STAT1: variants seen among roughly 807,000 people sequenced by gnomAD.
STAT1 encodes signal transducer and activator of transcription 1, also known as signal transducer and activator of transcription 1-alpha/beta.
Under a neutral mutation model 111.7 loss-of-function variants are expected in STAT1, and 24 were observed. That is an observed-to-expected ratio of 0.21 (90% CI 0.16 to 0.30). The LOEUF is 0.30. Among genes scored for constraint, STAT1 ranks in the 10% least tolerant of loss-of-function variants. STAT1 has a pLI of 1.00. For synonymous variants in STAT1, 332 were observed against 326.5 expected (o/e 1.02, Z -0.18); for missense variants, 351 against 911.9 (o/e 0.38, Z 7.92).
rs576416818 is a variant in STAT1 at position 190,998,688 on chromosome 2, A to C, written c.542-380T>G. 1.3e-5 allele frequency among the ~76,000 whole-genome samples: 2 copies of C among 151,534 alleles called. No homozygotes were observed. The highest frequency in any genetic ancestry group is 2.9e-5 in the Non-Finnish European group (2 of 67,900). ...AAAAAAAAACAAAAAAAACAAAAAA[A>C]AAACAAAAAAAACTTGTTTTCAGTG... On this transcript the variant is annotated intron_variant, in intron 7 of 24. Coordinates refer to ENST00000361099, the MANE Select transcript of STAT1 (RefSeq NM_007315.4). The surrounding 1 kb of genome is among the most constrained non-coding windows in gnomAD (Gnocchi z 4.1).
chr2:190,982,595 A>C lies in STAT1; in HGVS notation c.1447-77T>G. On this transcript the variant is annotated intron_variant, in intron 17 of 24. Coordinates refer to ENST00000361099, the MANE Select transcript of STAT1 (RefSeq NM_007315.4). This position sits in a 1 kb window ranked among gnomAD's most constrained non-coding sequence, Gnocchi z 7.3. ...AAGTGTGGCACTAAAACATATGTCC[A>C]TCCCAAAGTTCAATTCTAGTTTATA... 3 of 1,526,056 alleles carry C rather than the reference A, an allele frequency of 2.0e-6. No individual in the cohort carries two copies. Among genetic ancestry groups the C allele is most frequent in the Non-Finnish European group, 2.7e-6 (3 of 1,100,586 alleles). 94.5% of individuals were successfully genotyped at this position (1,526,056 alleles called of 1,614,324 possible).
rs541312765 is a variant in STAT1, at chr2:190,974,173, G to T, written c.2238+657C>A. Among the ~76,000 whole-genome samples the T allele has an allele frequency of 6.6e-6, 1 of 150,848 alleles. No homozygotes were observed. On this transcript the variant is annotated intron_variant, in intron 24 of 24. Transcript: ENST00000361099. This position sits in a 1 kb window ranked among gnomAD's most constrained non-coding sequence, Gnocchi z 4.8. ...CAATCTTTAAGAGGAAGGATTTTAG[G>T]CTGAAAGGCAAACAATACTAGTTGA...
Position 190,998,133 on chromosome 2 carries a change from A to G in STAT1, c.633+84T>C. On this transcript the variant is annotated intron_variant, in intron 8 of 24. Transcript: ENST00000361099. The surrounding 1 kb of genome is among the most constrained non-coding windows in gnomAD (Gnocchi z 4.1). ...TGGGGCTCTAAGCCAGGTGGCTATA[A>G]TTTTTCCTCTCTTCTAAACTTTGAG... The G allele has an allele frequency of 6.4e-7, 1 of 1,562,714 alleles. No individual in the cohort carries two copies. Among genetic ancestry groups the G allele is most frequent in the Non-Finnish European group, 8.8e-7 (1 of 1,136,650 alleles).
Position 190,982,319 on chromosome 2 carries a change from C to T in STAT1, c.1582+64G>A. The T allele has an allele frequency of 6.3e-7, 1 of 1,584,118 alleles. No homozygotes were observed. The highest frequency in any genetic ancestry group is 8.7e-7 in the Non-Finnish European group (1 of 1,153,752). On this transcript the variant is annotated intron_variant, in intron 18 of 24. Coordinates refer to ENST00000361099, the MANE Select transcript of STAT1 (RefSeq NM_007315.4). The surrounding 1 kb of genome is among the most constrained non-coding windows in gnomAD (Gnocchi z 7.3). ...AACAAAATAGCAGAGGGGAAAAGAG[C>T]AATTAGAGAGATATTTTTATGAATT... is the stretch of plus-strand genomic sequence containing the variant.
rs953501782 is a variant in STAT1 at position 190,983,985 on chromosome 2, T to C, written c.1348-245A>G. On this transcript the variant is annotated intron_variant, in intron 16 of 24. Transcript: ENST00000361099. The surrounding 1 kb of genome is among the most constrained non-coding windows in gnomAD (Gnocchi z 5.7). ...ATAATTAATTAAGGGATATGCAATA[T>C]GAGAAGATGAAAACTGTCACAATGA... 6.6e-6 allele frequency among the ~76,000 whole-genome samples: 1 copy of C among 151,876 alleles called. No individual in the cohort carries two copies. The highest frequency in any genetic ancestry group is 6.6e-5 in the Admixed American group (1 of 15,258).
chr2:190,977,093 A>T lies in STAT1; in HGVS notation c.1874-68T>A, dbSNP rs1405639397. 17 of 1,502,578 alleles carry T rather than the reference A, an allele frequency of 1.1e-5. No homozygotes were observed. The highest frequency in any genetic ancestry group is 1.6e-5 in the Non-Finnish European group (17 of 1,080,424). 93.1% of individuals were successfully genotyped at this position (1,502,578 alleles called of 1,614,324 possible). On this transcript the variant is annotated intron_variant, in intron 21 of 24. Transcript: ENST00000361099. The surrounding 1 kb of genome is among the most constrained non-coding windows in gnomAD (Gnocchi z 4.7). ...AAATGAAAGAGGACAGAGAAATAAA[A>T]CACTGCAGAGTTGATGGATTTGAGT... is the stretch of plus-strand genomic sequence containing the variant.
Position 190,982,555 on chromosome 2 carries a change from A to G in STAT1, c.1447-37T>C, listed in dbSNP as rs1264333220. ...ACACCCAAAATCTAAGGGTTACTAC[A>G]GAGACACCAGTCACAAGTGTGGCAC... On this transcript the variant is annotated intron_variant, in intron 17 of 24. Coordinates refer to ENST00000361099, the MANE Select transcript of STAT1 (RefSeq NM_007315.4). The surrounding 1 kb of genome is among the most constrained non-coding windows in gnomAD (Gnocchi z 7.3). The G allele has an allele frequency of 6.2e-7, 1 of 1,612,070 alleles. No homozygotes were observed. The highest frequency in any genetic ancestry group is 8.5e-7 in the Non-Finnish European group (1 of 1,178,114).
chr2:190,992,520 T>G (rs895943413), intron 10 of STAT1: 9 of 303,922 alleles, frequency 3.0e-5, no homozygotes, highest in Non-Finnish European at 5.3e-5. Flanking sequence ...CTGACCTCTG[T>G]GGATATGGTA....
At position 191,012,155 on chromosome 2, in the gene STAT1, G is replaced by A. The variant is rs549978746; in HGVS notation, c.-2+1370C>T. On this transcript the variant is annotated intron_variant, in intron 2 of 24. Coordinates refer to ENST00000361099, the MANE Select transcript of STAT1 (RefSeq NM_007315.4). The surrounding 1 kb of genome is among the most constrained non-coding windows in gnomAD (Gnocchi z 4.0). ...TGGGCTGGCCAGGTGGCTCACGCCT[G>A]TAATCCCAGCACTTTCGGAGGCCAA... 2.0e-5 allele frequency among the ~76,000 whole-genome samples: 3 copies of A among 151,256 alleles called. No individual in the cohort carries two copies. The South Asian group carries it at 6.4e-4, about 32-fold the overall frequency.
chr2:190,990,828 T>G lies in STAT1; in HGVS notation c.1037+400A>C, dbSNP rs1053274399. Among the ~76,000 whole-genome samples the G allele has an allele frequency of 2.0e-5, 3 of 152,158 alleles. No homozygotes were observed. The highest frequency in any genetic ancestry group is 7.2e-5 in the African/African-American group (3 of 41,436). On this transcript the variant is annotated intron_variant, in intron 11 of 24. Transcript: ENST00000361099. The surrounding 1 kb of genome is among the most constrained non-coding windows in gnomAD (Gnocchi z 5.1). ...CTGATGAAAGCTATAAATCCATCCA[T>G]CAGAAAAATGTACATGTTATAAATC...
rs1693856652 is a variant in STAT1, at chr2:190,996,370, C to A, written c.786-1151G>T. Among the ~76,000 whole-genome samples, 1 of 152,230 alleles carries A rather than the reference C, an allele frequency of 6.6e-6. No homozygotes were observed. The highest frequency in any genetic ancestry group is 1.5e-5 in the Non-Finnish European group (1 of 68,032). ...ATTCCAGTTCAAAGCCCTGGGACAG[C>A]AGCCCTTCGTCAGGAAAGGAGAAGG... On this transcript the variant is annotated intron_variant, in intron 9 of 24. Transcript: ENST00000361099. This position sits in a 1 kb window ranked among gnomAD's most constrained non-coding sequence, Gnocchi z 4.5.
In STAT1 at chr2:190,997,692, T is replaced by C. The variant is rs1574660318; in HGVS notation, c.785+164A>G. Among the ~76,000 whole-genome samples the C allele has an allele frequency of 6.6e-6, 1 of 152,190 alleles. No homozygotes were observed. Among genetic ancestry groups the C allele is most frequent in the Admixed American group, 6.5e-5 (1 of 15,282 alleles). ...GTGGCGAGAGTCATGAATAACACTG[T>C]GCTTTCCAAGGGAGTGTTTCCAGGG... On this transcript the variant is annotated intron_variant, in intron 9 of 24. Transcript: ENST00000361099. The surrounding 1 kb of genome is among the most constrained non-coding windows in gnomAD (Gnocchi z 7.3).
At chr2:190,991,187 C>A in intron 11 of STAT1, 41 bp downstream of exon 11, 1 of 1,589,654 alleles carries the variant, frequency 6.3e-7, no homozygotes. Flanking sequence ...GTACAAACTA[C>A]GTGACAGGTG....
rs559802061 is a variant in STAT1, at chr2:191,007,336, G to A, written c.372+227C>T. Among the ~76,000 whole-genome samples, 59 of 152,276 alleles carry A rather than the reference G, an allele frequency of 3.9e-4. No individual in the cohort carries two copies. Among genetic ancestry groups the A allele is most frequent in the African/African-American group, 1.3e-3 (54 of 41,550 alleles). ...TCTCAGCACTTTATGCTACCCAGAA[G>A]TATCTTGTTTATATGTTCTCTCTCC... On this transcript the variant is annotated intron_variant, in intron 5 of 24. Transcript: ENST00000361099. The surrounding 1 kb of genome is among the most constrained non-coding windows in gnomAD (Gnocchi z 4.2).
At position 190,993,211 on chromosome 2, in the gene STAT1, T is replaced by G; in HGVS notation, c.944+1850A>C. 1.1e-5 allele frequency: 6 copies of G among 546,788 alleles called. No individual in the cohort carries two copies. Among genetic ancestry groups the G allele is most frequent in the East Asian group, 3.6e-5 (1 of 27,652 alleles). 33.9% of individuals were successfully genotyped at this position (546,788 alleles called of 1,614,324 possible). A position where few individuals can be genotyped will look rare whatever the true frequency, so the allele number is the denominator to read the frequency against. ...GATCACACTTGTTCCCTACCAACAA[T>G]TTGTTGACGTTTTCACTGGGATAAT... On this transcript the variant is annotated intron_variant, in intron 10 of 24. Transcript: ENST00000361099. This position sits in a 1 kb window ranked among gnomAD's most constrained non-coding sequence, Gnocchi z 4.1.
chr2:190,974,030 A>G lies in STAT1; in HGVS notation c.2238+800T>C, dbSNP rs1248788646. ...ATACAGTAAGGAAGAAAGGCCAGTAATAACTCAGGATATTTTTTGGAAGCA... is the reference window on the plus strand; with the variant it reads ...ATACAGTAAGGAAGAAAGGCCAGTAGTAACTCAGGATATTTTTTGGAAGCA... On this transcript the variant is annotated intron_variant, in intron 24 of 24. Coordinates refer to ENST00000361099, the MANE Select transcript of STAT1 (RefSeq NM_007315.4). The surrounding 1 kb of genome is among the most constrained non-coding windows in gnomAD (Gnocchi z 4.8). 2.6e-5 allele frequency among the ~76,000 whole-genome samples: 4 copies of G among 152,222 alleles called. No individual in the cohort carries two copies. In the East Asian group the frequency reaches 5.8e-4, roughly 22 times the overall value.
Position 190,993,664 on chromosome 2 carries a change from T to C in STAT1, c.944+1397A>G, listed in dbSNP as rs746060804. 12 of 502,168 alleles carry C rather than the reference T, an allele frequency of 2.4e-5. No individual in the cohort carries two copies. The highest frequency in any genetic ancestry group is 4.7e-5 in the Non-Finnish European group (12 of 257,768). 31.1% of individuals were successfully genotyped at this position (502,168 alleles called of 1,614,324 possible). On this transcript the variant is annotated intron_variant, in intron 10 of 24. Transcript: ENST00000361099. This position sits in a 1 kb window ranked among gnomAD's most constrained non-coding sequence, Gnocchi z 4.1. ...GGGTAACTGAAGGAAAGGAATGAGA[T>C]AGGCTGTTCTGGGAGAGTAAATGTC...
chr2:190,989,301 T>C lies in STAT1; in HGVS notation c.1097+314A>G, dbSNP rs1225025330. Among the ~76,000 whole-genome samples, 1 of 152,224 alleles carries C rather than the reference T, an allele frequency of 6.6e-6. No individual in the cohort carries two copies. Among genetic ancestry groups the C allele is most frequent in the East Asian group, 1.9e-4 (1 of 5,200 alleles). Reference sequence around the variant, plus strand: ...AGACACTCACTCTTTTGTTCATTTATAGTCTAAAAAGGCACAGGAATGTTG... The same window carrying C: ...AGACACTCACTCTTTTGTTCATTTACAGTCTAAAAAGGCACAGGAATGTTG... On this transcript the variant is annotated intron_variant, in intron 12 of 24. Transcript: ENST00000361099. The surrounding 1 kb of genome is among the most constrained non-coding windows in gnomAD (Gnocchi z 5.0).
chr2:190,995,197 G>A lies in STAT1; in HGVS notation c.808C>T (p.Leu270=), dbSNP rs1481493660. ...TTAAGCTGCTGCCGAACTTGCTGCA[G>A]ACTCTCCGCAACTATAGTGAACCTG... ...QNWFTIVAES[L]QQVRQQLKKL... Residue 270 remains leucine, a synonymous_variant, in exon 10 of 25, where the codon CTG becomes TTG. Coordinates refer to ENST00000361099, the MANE Select transcript of STAT1 (RefSeq NM_007315.4). This position sits in a 1 kb window ranked among gnomAD's most constrained non-coding sequence, Gnocchi z 4.2. 6.2e-7 allele frequency: 1 copy of A among 1,613,912 alleles called. No homozygotes were observed. The highest frequency in any genetic ancestry group is 1.7e-5 in the Admixed American group (1 of 59,998).
Sources: gnomAD v4.1 joint callset for allele counts (sites outside exome capture counted in the v4.1 genomes callset) on GRCh38, gnomAD v4.1.1 for gene constraint, Gnocchi (gnomAD v3.1) non-coding constraint, MANE v1.5 for transcripts, NCBI Gene and HGNC (gene_info 2026-07-23, HGNC 2026-07-21) for gene names.